PHACTR1: variants seen among roughly 807,000 people sequenced by gnomAD.
PHACTR1 encodes the protein phosphatase and actin regulator 1.
In PHACTR1, 16 loss-of-function variants were observed where a neutral mutation model predicts 69.2. That is an observed-to-expected ratio of 0.23 (90% CI 0.16 to 0.35). The LOEUF is 0.35. PHACTR1 is among the 10% of genes least tolerant of loss of function. PHACTR1 has a pLI of 1.00. For synonymous variants in PHACTR1, 312 were observed against 284.5 expected (o/e 1.10, Z -0.97); for missense variants, 510 against 734.7 (o/e 0.69, Z 3.54).
chr6:13,187,525 A>G (rs755939695), intron 7 of PHACTR1, among the ~76,000 whole-genome samples: 45 of 152,180 alleles, frequency 3.0e-4, no homozygotes, highest in Non-Finnish European at 4.4e-4. Flanking sequence ...AAAAGGCATA[A>G]AAAGATTTAG....
In PHACTR1 at chr6:12,929,837, T is replaced by A. The variant is rs186226059; in HGVS notation, c.251-123528T>A. ...TCAAGCGTGTCAGAAATAATCATTT[T>A]AATTTTCTATGAATGCCTTCATGGC... On this transcript the variant is annotated intron_variant, in intron 4 of 14. Coordinates refer to ENST00000332995, the MANE Select transcript of PHACTR1 (RefSeq NM_030948.6). Among the ~76,000 whole-genome samples the A allele has an allele frequency of 2.6e-3, 399 of 152,376 alleles. 4 individuals are homozygous for A. Among genetic ancestry groups the A allele is most frequent in the Middle Eastern group, 0.017 (5 of 294 alleles).
intron 7 of PHACTR1, among the ~76,000 whole-genome samples, chr6:13,187,749 A>G (rs1165510981): frequency 2.0e-5 from 3 of 152,216 alleles, no homozygotes; most frequent in Non-Finnish European, 4.4e-5. Context: ...ATGGGATACC[A>G]TTGAGCCAGG....
chr6:12,750,102 G>T (rs947028159), intron 4 of PHACTR1, among the ~76,000 whole-genome samples: 3 of 152,136 alleles, frequency 2.0e-5, no homozygotes, highest in African/African-American at 7.2e-5. Flanking sequence ...CCATGCGCAG[G>T]CTGCGGGCGC....
intron 4 of PHACTR1, among the ~76,000 whole-genome samples, chr6:12,845,437 C>T (rs991581336): frequency 6.2e-5 from 4 of 64,910 alleles, no homozygotes; most frequent in South Asian, 2.2e-3. Context: ...CCACCCCCCC[C>T]CCCCCCGCCC....
intron 4 of PHACTR1, among the ~76,000 whole-genome samples, chr6:12,868,355 C>T (rs1397170765): frequency 6.6e-6 from 1 of 151,798 alleles, no homozygotes; most frequent in Non-Finnish European, 1.5e-5. Context: ...GAATGATAAC[C>T]ATCTTTTTTT....
intron 6 of PHACTR1, among the ~76,000 whole-genome samples, chr6:13,175,516 C>T (rs1310642890): frequency 6.6e-6 from 1 of 152,156 alleles, no homozygotes; most frequent in Non-Finnish European, 1.5e-5. Flanking sequence ...CTGCGCTTCA[C>T]CCCACCTGTC....
chr6:13,286,074 G>T (rs1471286204), intron 13 of PHACTR1, 72 bp from the exon 14 acceptor site: 2 of 1,265,310 alleles, frequency 1.6e-6, no homozygotes, highest in Admixed American at 2.7e-5. Context: ...TATGTTGTTA[G>T]GAATGAACTG....
intron 5 of PHACTR1, among the ~76,000 whole-genome samples, chr6:13,107,325 T>G (rs907722531): frequency 1.3e-5 from 2 of 152,218 alleles, no homozygotes; most frequent in African/African-American, 4.8e-5. Context: ...TTGCCAGGGC[T>G]GGGCTCAAAC....
chr6:13,194,417 A>AT (rs1357703528), intron 7 of PHACTR1, among the ~76,000 whole-genome samples: 6 of 144,294 alleles, frequency 4.2e-5, no homozygotes, highest in African/African-American at 1.5e-4. Flanking sequence ...AAAAAAAAAA[A>AT]GAAAGAAAGG....
At chr6:13,268,890 T>C (rs961846057) in intron 10 of PHACTR1, among the ~76,000 whole-genome samples, 2 of 152,214 alleles carry the variant, frequency 1.3e-5, no homozygotes, top group African/African-American at 4.8e-5. Context: ...AGGAACTCAT[T>C]TGAAATTATG....
chr6:12,915,040 G>A (rs1786819419), intron 4 of PHACTR1, among the ~76,000 whole-genome samples: 1 of 152,196 alleles, frequency 6.6e-6, no homozygotes, highest in African/African-American at 2.4e-5. Context: ...CCTGGAGTAT[G>A]TCTTGTCTGC....
chr6:13,042,263 C>T (rs565461717), intron 4 of PHACTR1, among the ~76,000 whole-genome samples: 1 of 152,294 alleles, frequency 6.6e-6, no homozygotes, highest in East Asian at 1.9e-4. Context: ...GAATAAAGCA[C>T]TACATGAACA....
chr6:13,272,426 C>T (rs1375142492), intron 10 of PHACTR1: 1 of 189,828 alleles, frequency 5.3e-6, no homozygotes, highest in Non-Finnish European at 1.1e-5. Context: ...CCACAGACCT[C>T]TTTATGTTCT....
At chr6:12,870,576 A>C (rs1489872308) in intron 4 of PHACTR1, among the ~76,000 whole-genome samples, 1 of 152,230 alleles carries the variant, frequency 6.6e-6, no homozygotes, top group African/African-American at 2.4e-5. Context: ...TACATCAGGC[A>C]CATCTATAAT....
At chr6:12,936,993 C>T (rs1789528675) in intron 4 of PHACTR1, among the ~76,000 whole-genome samples, 1 of 152,112 alleles carries the variant, frequency 6.6e-6, no homozygotes, top group Non-Finnish European at 1.5e-5. Context: ...GTTTCCAAAA[C>T]TTAAGATTTC....
At chr6:13,261,209 A>C (rs1213269142) in intron 10 of PHACTR1, among the ~76,000 whole-genome samples, 3 of 152,224 alleles carry the variant, frequency 2.0e-5, no homozygotes, top group Non-Finnish European at 4.4e-5. Flanking sequence ...AAGAGCAGAC[A>C]GGTGAGAGGG....
intron 5 of PHACTR1, among the ~76,000 whole-genome samples, chr6:13,078,831 G>A (rs1310237567): frequency 6.6e-6 from 1 of 152,122 alleles, no homozygotes; most frequent in Non-Finnish European, 1.5e-5. Flanking sequence ...TTAAGAGAAA[G>A]AACAAGTAAA....
intron 7 of PHACTR1, among the ~76,000 whole-genome samples, chr6:13,200,052 A>G (rs148192615): frequency 6.6e-4 from 101 of 152,252 alleles, no homozygotes; most frequent in African/African-American, 1.8e-3. Flanking sequence ...AATTATCCCA[A>G]TGACCCCCCA....
chr6:13,230,704 A>G (rs78443122), intron 10 of PHACTR1, among the ~76,000 whole-genome samples: 2,105 of 152,218 alleles, frequency 0.014, 46 homozygotes, highest in African/African-American at 0.047. Context: ...TCCAGGGAGA[A>G]TAATCATCTG....
Sources: gnomAD v4.1 joint callset for allele counts (sites outside exome capture counted in the v4.1 genomes callset) on GRCh38, gnomAD v4.1.1 for gene constraint, MANE v1.5 for transcripts, NCBI Gene and HGNC (gene_info 2026-07-23, HGNC 2026-07-21) for gene names.